The following MYOZ2 variants were observed in gnomAD, a reference collection of about 807,000 sequenced individuals.
The protein encoded by MYOZ2 is myozenin 2, also known as myozenin-2.
Under a neutral mutation model 25.4 loss-of-function variants are expected in MYOZ2, and 19 were observed. The ratio of observed to expected loss-of-function variants is 0.75; its 90% CI spans 0.52 to 1.10. The LOEUF is 1.10. MYOZ2 is among the 50% of genes least tolerant of loss of function. The probability of loss-of-function intolerance (pLI) is 0.00; values close to 1 mark genes in which losing one functional copy is unlikely to be tolerated. For synonymous variants in MYOZ2, 92 were observed against 106.9 expected, an observed-to-expected ratio of 0.86 and a Z score of 0.86; for missense variants, 270 against 317.9, an observed-to-expected ratio of 0.85 and a Z score of 1.15.
Position 119,164,300 on chromosome 4 carries a change from A to G in MYOZ2, c.466A>G (p.Ile156Val). The G allele has an allele frequency of 6.2e-7, 1 of 1,614,068 alleles. No individual in the cohort carries two copies. Among genetic ancestry groups the G allele is most frequent in the African/African-American group, 1.3e-5 (1 of 75,052 alleles). The change falls in exon 5 of 6, where the codon ATT becomes GTT. Residue 156 changes from isoleucine (I) to valine (V), a missense_variant. Physicochemically the swap from Ile to Val is conservative, Grantham distance 29. Transcript: ENST00000307128. Reference sequence around the variant, plus strand: ...CTATCAATCTCCCTGGGAACAAGCCATTAGCAATGATCCGGAGCTTTTAGA... The same window carrying G: ...CTATCAATCTCCCTGGGAACAAGCCGTTAGCAATGATCCGGAGCTTTTAGA... ...KYYQSPWEQA[I>V]SNDPELLEAL...
rs954446768 is a variant in MYOZ2 at position 119,164,509 on chromosome 4, C to G, written c.560+115C>G. The G allele has an allele frequency of 5.0e-6, 5 of 995,176 alleles. No homozygotes were observed. In the African/African-American group the frequency reaches 8.1e-5, roughly 16 times the overall value. 61.6% of individuals were successfully genotyped at this position (995,176 alleles called of 1,614,324 possible). On this transcript the variant is annotated intron_variant, in intron 5 of 5. Coordinates refer to ENST00000307128, the MANE Select transcript of MYOZ2 (RefSeq NM_016599.5). Reference sequence around the variant, plus strand: ...CAATTTTTTCTTTTGAGAAAAGAATCTAAATAGCAATATAGGATATCTTCT... The same window carrying G: ...CAATTTTTTCTTTTGAGAAAAGAATGTAAATAGCAATATAGGATATCTTCT...
Position 119,186,142 on chromosome 4 carries a change from T to C in MYOZ2, c.737T>C (p.Ile246Thr). The C allele has an allele frequency of 6.2e-7, 1 of 1,614,018 alleles. No individual in the cohort carries two copies. The highest frequency in any genetic ancestry group is 8.5e-7 in the Non-Finnish European group (1 of 1,179,948). The change falls in exon 6 of 6, where the codon ATA (isoleucine) becomes ACA (threonine). Residue 246 changes from isoleucine to threonine, a missense_variant. Physicochemically the swap from Ile to Thr is moderately conservative, Grantham distance 89 (BLOSUM62 -1). Coordinates refer to ENST00000307128, the MANE Select transcript of MYOZ2 (RefSeq NM_016599.5). ...GGATGGATATCTGAGAATATTCCTA[T>C]AGTGATAACAACCGAACCTACAGAT... ...PKGWISENIP[I>T]VITTEPTDDT...
rs560752409 is a variant in MYOZ2, at chr4:119,144,791, G to T, written c.77-6081G>T. ...CATGTTTTGGCCCACATTCTAATTG[G>T]ATTGTTTGCTTTTTTAATAGTGAAT... is the stretch of plus-strand genomic sequence containing the variant. On this transcript the variant is annotated intron_variant, in intron 2 of 5. Coordinates refer to ENST00000307128, the MANE Select transcript of MYOZ2 (RefSeq NM_016599.5). 4.6e-5 allele frequency among the ~76,000 whole-genome samples: 7 copies of T among 152,130 alleles called. No individual in the cohort carries two copies. The East Asian group carries it at 1.4e-3, about 29-fold the overall frequency.
intron 5 of MYOZ2, among the ~76,000 whole-genome samples, chr4:119,185,201 G>A (rs1742264913): frequency 1.3e-5 from 2 of 149,374 alleles, no homozygotes; most frequent in African/African-American, 2.5e-5. Flanking sequence ...TCTGAGATGA[G>A]GTCTTGCTAT....
chr4:119,140,026 A>C (rs1741127982), intron 2 of MYOZ2, among the ~76,000 whole-genome samples: 1 of 152,118 alleles, frequency 6.6e-6, no homozygotes, highest in Non-Finnish European at 1.5e-5. Context: ...TGCTGTTGTT[A>C]ATGTGGTACC....
At chr4:119,157,895 C>T in intron 3 of MYOZ2, 127 bp from the exon 4 acceptor site, 1 of 1,165,288 alleles carries the variant, frequency 8.6e-7, no homozygotes. Flanking sequence ...TATTGAGGTC[C>T]CAGGAAGTAA....
intron 3 of MYOZ2, among the ~76,000 whole-genome samples, chr4:119,152,630 T>C (rs1741479807): frequency 6.6e-6 from 1 of 152,082 alleles, no homozygotes; most frequent in African/African-American, 2.4e-5. Context: ...TTACACATAA[T>C]ATATATAAGA....
chr4:119,173,898 C>G (rs914271905), intron 5 of MYOZ2, among the ~76,000 whole-genome samples: 17 of 152,204 alleles, frequency 1.1e-4, no homozygotes, highest in African/African-American at 3.4e-4. Context: ...CCAGCCCTGC[C>G]GGCCCGGGGC....
At chr4:119,138,265 CTCTG>C (rs1248390211) in intron 2 of MYOZ2, among the ~76,000 whole-genome samples, 1 of 152,162 alleles carries the variant, frequency 6.6e-6, no homozygotes, top group African/African-American at 2.4e-5. Context: ...GAGTCACATG[CTCTG>C]TCTTTGTTGG....
chr4:119,172,246 T>G (rs1319964362), intron 5 of MYOZ2, among the ~76,000 whole-genome samples: 1 of 152,220 alleles, frequency 6.6e-6, no homozygotes. Flanking sequence ...ACAGAGCTGA[T>G]TTATCAAGAC....
intron 5 of MYOZ2, among the ~76,000 whole-genome samples, chr4:119,173,603 A>T (rs72910582): frequency 6.6e-6 from 1 of 152,080 alleles, no homozygotes; most frequent in Non-Finnish European, 1.5e-5. Flanking sequence ...TGGTAGTGAG[A>T]GGTGACAGCG....
intron 3 of MYOZ2, among the ~76,000 whole-genome samples, chr4:119,155,309 A>C (rs1357007980): frequency 6.6e-6 from 1 of 152,196 alleles, no homozygotes; most frequent in Non-Finnish European, 1.5e-5. Context: ...GTGGCCAACT[A>C]GACTTCAGCC....
chr4:119,150,847 TA>T, intron 2 of MYOZ2, 24 bp from the exon 3 acceptor site: 1 of 1,608,800 alleles, frequency 6.2e-7, no homozygotes, highest in East Asian at 2.2e-5. Flanking sequence ...TTGGGATTTT[TA>T]CTCATATGAA....
At chr4:119,146,050 A>C (rs1458055220) in intron 2 of MYOZ2, among the ~76,000 whole-genome samples, 1 of 152,124 alleles carries the variant, frequency 6.6e-6, no homozygotes, top group Non-Finnish European at 1.5e-5. Context: ...TCTGTTTGCT[A>C]TCTGCAGTGT....
intron 5 of MYOZ2, among the ~76,000 whole-genome samples, chr4:119,175,858 G>C (rs947409978): frequency 1.3e-5 from 2 of 152,052 alleles, no homozygotes; most frequent in African/African-American, 2.4e-5. Flanking sequence ...ATCCTCTGCT[G>C]TTTCTTTCTT....
chr4:119,154,856 T>TAC (rs199500749), intron 3 of MYOZ2, among the ~76,000 whole-genome samples: 7,781 of 31,564 alleles, frequency 0.25, 322 homozygotes, highest in South Asian at 0.33. Flanking sequence ...AATGTTATAT[T>TAC]ACACACACAC....
At chr4:119,157,979 C>T (rs747853215) in intron 3 of MYOZ2, 43 bp from the exon 4 acceptor site, 13 of 1,610,530 alleles carry the variant, frequency 8.1e-6, no homozygotes, top group Non-Finnish European at 3.4e-6. Context: ...ATTGTGCTTA[C>T]ATTTTTGAGT....
intron 4 of MYOZ2, among the ~76,000 whole-genome samples, chr4:119,162,196 G>A (rs946633058): frequency 1.3e-5 from 2 of 152,086 alleles, no homozygotes; most frequent in Non-Finnish European, 2.9e-5. Context: ...GAAATGAATG[G>A]ACCAAGTAGA....
chr4:119,185,716 A>G (rs1417848192), intron 5 of MYOZ2, among the ~76,000 whole-genome samples: 2 of 152,252 alleles, frequency 1.3e-5, no homozygotes, highest in African/African-American at 4.8e-5. Flanking sequence ...TCCAAAACTA[A>G]TAGTATATAC....
Sources: allele counts gnomAD v4.1 joint callset (sites outside exome capture counted in the v4.1 genomes callset), GRCh38; gene constraint gnomAD v4.1.1; transcripts MANE v1.5; gene names NCBI Gene and HGNC (gene_info 2026-07-23, HGNC 2026-07-21).